RSF1: variants seen among roughly 807,000 people sequenced by gnomAD.
RSF1 encodes HBV pX-associated protein 8.
Under a neutral mutation model 145.2 loss-of-function variants are expected in RSF1, and 13 were observed. That is an observed-to-expected ratio of 0.09 (90% CI 0.06 to 0.14). The LOEUF is 0.14. Ranked by LOEUF, RSF1 falls within the 10% of genes least tolerant of loss-of-function variation. RSF1 has a pLI of 1.00. For missense variants in RSF1, 1,517 were observed against 1,718.2 expected, an observed-to-expected ratio of 0.88 and a Z score of 2.07; for synonymous variants, 577 against 592.6, an observed-to-expected ratio of 0.97 and a Z score of 0.38.
chr11:77,715,778 GT>G (rs544736584), intron 5 of RSF1, among the ~76,000 whole-genome samples: 4 of 151,564 alleles, frequency 2.6e-5, no homozygotes, highest in Non-Finnish European at 5.9e-5. Context: ...AAAAATAGTA[GT>G]TTTTTTTCCT....
chr11:77,777,216 CTT>C (rs942616500), intron 1 of RSF1, among the ~76,000 whole-genome samples: 1 of 152,162 alleles, frequency 6.6e-6, no homozygotes, highest in Non-Finnish European at 1.5e-5. Flanking sequence ...ATTATTACCT[CTT>C]TGAAAATAAC....
At chr11:77,840,305 G>A in the RSF1 span, among the ~76,000 whole-genome samples, 1 of 152,094 alleles carries the variant, frequency 6.6e-6, no homozygotes, top group East Asian at 1.9e-4. Context: ...AAGGCAGGTG[G>A]ATCACCTGAG....
At chr11:77,753,035 T>A (rs1311693488) in intron 2 of RSF1, among the ~76,000 whole-genome samples, 1 of 152,234 alleles carries the variant, frequency 6.6e-6, no homozygotes, top group Non-Finnish European at 1.5e-5. Context: ...GAGGCATGAA[T>A]AATCCACCCT....
chr11:77,788,342 T>A (rs1236711521), intron 1 of RSF1, among the ~76,000 whole-genome samples: 1 of 150,896 alleles, frequency 6.6e-6, no homozygotes, highest in Non-Finnish European at 1.5e-5. Flanking sequence ...CTTATATGAC[T>A]ATGACTATAA....
intron 7 of RSF1, among the ~76,000 whole-genome samples, chr11:77,695,161 TA>T (rs1222180367): frequency 1.3e-5 from 2 of 152,156 alleles, no homozygotes; most frequent in Non-Finnish European, 2.9e-5. Context: ...GAAGTATGAG[TA>T]TCAAATAATT....
At position 77,705,825 on chromosome 11, in the gene RSF1, T is replaced by C. The variant is rs192761641; in HGVS notation, c.734-3330A>G. ...TGAGCTATGACTCACTACATTCTTG[T>C]TGGTGCGACAAAGCAAGACCCTGTC... On this transcript the variant is annotated intron_variant, in intron 5 of 15. Coordinates refer to ENST00000308488, the MANE Select transcript of RSF1 (RefSeq NM_016578.4). Among the ~76,000 whole-genome samples the C allele has an allele frequency of 5.2e-3, 796 of 151,834 alleles. 3 individuals carry two copies. The highest frequency in any genetic ancestry group is 8.4e-3 in the Non-Finnish European group (568 of 67,928).
At chr11:77,693,634 A>C in intron 7 of RSF1, 23 bp from the exon 8 acceptor site, 6 of 1,547,254 alleles carry the variant, frequency 3.9e-6, no homozygotes, top group Non-Finnish European at 5.4e-6. Context: ...CACTGATGTC[A>C]ACCTAACTAT....
intron 14 of RSF1, among the ~76,000 whole-genome samples, chr11:77,672,719 G>A (rs1959589643): frequency 6.7e-6 from 1 of 149,346 alleles, no homozygotes; most frequent in South Asian, 2.1e-4. Context: ...GTCTCACTAT[G>A]TCGCCCAGGC....
chr11:77,863,147 G>A, the RSF1 span, among the ~76,000 whole-genome samples: 3 of 152,172 alleles, frequency 2.0e-5, no homozygotes, highest in African/African-American at 4.8e-5. Flanking sequence ...ATCAGAAGCC[G>A]TGGGTCACGG....
chr11:77,716,527 C>T (rs1960813113), intron 5 of RSF1, among the ~76,000 whole-genome samples: 1 of 152,176 alleles, frequency 6.6e-6, no homozygotes, highest in African/African-American at 2.4e-5. Context: ...GGAACAGAAA[C>T]AAATACCCCA....
chr11:77,844,634 T>G, the RSF1 span, among the ~76,000 whole-genome samples: 2 of 152,174 alleles, frequency 1.3e-5, no homozygotes, highest in South Asian at 4.1e-4. Flanking sequence ...AATGCTGAGA[T>G]TACAGGCATG....
chr11:77,695,098 A>G lies in RSF1; in HGVS notation c.2716-1487T>C, dbSNP rs769285600. Among the ~76,000 whole-genome samples the G allele has an allele frequency of 2.0e-5, 3 of 152,208 alleles. No homozygotes were observed. The South Asian group carries it at 6.2e-4, about 31-fold the overall frequency. ...ACTCTAAGGTCACCTTCCGTACTCT[A>G]TTCTCAAGATAAATGCAACCCACAC... On this transcript the variant is annotated intron_variant, in intron 7 of 15. Coordinates refer to ENST00000308488, the MANE Select transcript of RSF1 (RefSeq NM_016578.4).
chr11:77,782,502 C>T (rs1194211086), intron 1 of RSF1, among the ~76,000 whole-genome samples: 4 of 151,524 alleles, frequency 2.6e-5, no homozygotes, highest in Non-Finnish European at 5.9e-5. Flanking sequence ...GATCGTGCCA[C>T]TGAACTCCAG....
chr11:77,849,038 CTTTT>C, the RSF1 span, among the ~76,000 whole-genome samples: 1 of 140,140 alleles, frequency 7.1e-6, no homozygotes, highest in Admixed American at 7.2e-5. Flanking sequence ...AGTGGTGCTC[CTTTT>C]TTTTTTTTTT....
intron 1 of RSF1, among the ~76,000 whole-genome samples, chr11:77,774,071 C>T (rs1271283508): frequency 6.6e-6 from 1 of 152,154 alleles, no homozygotes; most frequent in Non-Finnish European, 1.5e-5. Context: ...AGTCTCAATT[C>T]CTAATTATCT....
chr11:77,672,579 TAA>T lies in RSF1; in HGVS notation c.3563-351_3563-350del, dbSNP rs58840921. On this transcript the variant is annotated intron_variant, in intron 14 of 15. Coordinates refer to ENST00000308488, the MANE Select transcript of RSF1 (RefSeq NM_016578.4). The stretch of plus-strand genomic sequence containing the variant: ...ACATGCCTGGCCTTTAAGTCTCCCT[TAA>T]AAAAAAAAAAAATGACTCAATCTGT... Among the ~76,000 whole-genome samples the T allele has an allele frequency of 3.1e-3, 456 of 145,492 alleles. 2 individuals are homozygous for T. Among genetic ancestry groups the T allele is most frequent in the African/African-American group, 0.011 (429 of 39,992 alleles).
chr11:77,857,179 G>A, the RSF1 span, among the ~76,000 whole-genome samples: 1 of 152,192 alleles, frequency 6.6e-6, no homozygotes, highest in African/African-American at 2.4e-5. Context: ...AAAGATAATT[G>A]TAATTAAGTG....
intron 4 of RSF1, 87 bp downstream of exon 4, chr11:77,740,644 C>T: frequency 7.8e-7 from 1 of 1,280,516 alleles, no homozygotes; most frequent in Non-Finnish European, 1.1e-6. Context: ...AAAACCACTT[C>T]TGTCTGATAG....
At chr11:77,750,401 C>T (rs1279840228) in intron 2 of RSF1, among the ~76,000 whole-genome samples, 2 of 152,260 alleles carry the variant, frequency 1.3e-5, no homozygotes, top group African/African-American at 4.8e-5. Flanking sequence ...GCTGTATTCC[C>T]GTAACACTTT....
Sources: gnomAD v4.1 joint callset for allele counts (sites outside exome capture counted in the v4.1 genomes callset) on GRCh38, gnomAD v4.1.1 for gene constraint, MANE v1.5 for transcripts, NCBI Gene and HGNC (gene_info 2026-07-23, HGNC 2026-07-21) for gene names.